CATSPERT: variants seen among roughly 807,000 people sequenced by gnomAD.
CATSPERT encodes catsper channel auxiliary subunit tau, also known as cation channel sperm-associated targeting subunit tau.
the CATSPERT span, among the ~76,000 whole-genome samples, chr2:201,594,345 T>G: frequency 2.0e-5 from 3 of 152,238 alleles, no homozygotes; most frequent in Non-Finnish European, 2.9e-5. Context: ...TGCCGAGAGA[T>G]CCACTGTTAG....
At chr2:201,591,985 C>T in the CATSPERT span, among the ~76,000 whole-genome samples, 1 of 152,122 alleles carries the variant, frequency 6.6e-6, no homozygotes, top group South Asian at 2.1e-4. Flanking sequence ...ATTTCCTTCT[C>T]CTGACTAATT....
At chr2:201,590,980 T>C in the CATSPERT span, among the ~76,000 whole-genome samples, 1 of 152,334 alleles carries the variant, frequency 6.6e-6, no homozygotes, top group South Asian at 2.1e-4. Context: ...AGAAGCTCTT[T>C]AGTTTAATTA....
the CATSPERT span, among the ~76,000 whole-genome samples, chr2:201,565,122 C>T: frequency 3.3e-5 from 5 of 151,512 alleles, no homozygotes; most frequent in African/African-American, 9.7e-5. Context: ...AAAAAAAGCA[C>T]GAGACCTACG....
chr2:201,490,425 G>T, the CATSPERT span, among the ~76,000 whole-genome samples: 3 of 152,150 alleles, frequency 2.0e-5, no homozygotes, highest in African/African-American at 7.2e-5. Flanking sequence ...AAAAGAAAAT[G>T]TCGGCTATGT....
At chr2:201,534,961 G>A in the CATSPERT span, 4 of 395,734 alleles carry the variant, frequency 1.0e-5, no homozygotes, top group Non-Finnish European at 1.4e-5. Context: ...ATTCATAAAA[G>A]ATATATGTAC....
the CATSPERT span, among the ~76,000 whole-genome samples, chr2:201,580,811 C>G: frequency 6.6e-6 from 1 of 152,142 alleles, no homozygotes; most frequent in Non-Finnish European, 1.5e-5. Flanking sequence ...GAAAAGGACT[C>G]CTAGAAAGGA....
At chr2:201,545,928 T>C in the CATSPERT span, among the ~76,000 whole-genome samples, 6 of 152,072 alleles carry the variant, frequency 3.9e-5, no homozygotes, top group Non-Finnish European at 7.4e-5. Context: ...AATTACATAA[T>C]ATTGTAACTT....
the CATSPERT span, among the ~76,000 whole-genome samples, chr2:201,563,554 C>T: frequency 6.6e-6 from 1 of 152,176 alleles, no homozygotes; most frequent in Non-Finnish European, 1.5e-5. Flanking sequence ...CAGAGGCACC[C>T]CTCACCTCCT....
chr2:201,515,572 C>G, the CATSPERT span, among the ~76,000 whole-genome samples: 1 of 151,970 alleles, frequency 6.6e-6, no homozygotes, highest in African/African-American at 2.4e-5. Context: ...TTTGACTTGC[C>G]AACCAACAGG....
At chr2:201,584,851 A>G in the CATSPERT span, among the ~76,000 whole-genome samples, 6 of 152,160 alleles carry the variant, frequency 3.9e-5, no homozygotes, top group African/African-American at 1.4e-4. Flanking sequence ...AACATCATCA[A>G]TCCAGGTTAA....
At chr2:201,553,598 A>C in the CATSPERT span, 1 of 152,206 alleles carries the variant, frequency 6.6e-6, no homozygotes, top group Non-Finnish European at 1.5e-5. Flanking sequence ...ATTTCTGTAC[A>C]TTTCTGTCTA....
the CATSPERT span, among the ~76,000 whole-genome samples, chr2:201,608,565 C>T: frequency 1.3e-5 from 2 of 151,946 alleles, no homozygotes; most frequent in African/African-American, 4.8e-5. Context: ...GCCTATAATC[C>T]CAGCACTTTG....
the CATSPERT span, chr2:201,487,561 A>G: frequency 6.6e-7 from 1 of 1,507,934 alleles, no homozygotes; most frequent in East Asian, 2.3e-5. Context: ...GGCCTCACAT[A>G]TCATTCTGAG....
At chr2:201,488,290 C>T in the CATSPERT span, among the ~76,000 whole-genome samples, 1 of 152,272 alleles carries the variant, frequency 6.6e-6, no homozygotes, top group South Asian at 2.1e-4. Context: ...AATTTCTCTC[C>T]AACAAAATCT....
chr2:201,503,732 T>C, the CATSPERT span, among the ~76,000 whole-genome samples: 1 of 151,644 alleles, frequency 6.6e-6, no homozygotes, highest in Non-Finnish European at 1.5e-5. Context: ...ATGTTAGGAA[T>C]TGTGGATTTT....
At chr2:201,602,743 T>C in the CATSPERT span, among the ~76,000 whole-genome samples, 1 of 152,072 alleles carries the variant, frequency 6.6e-6, no homozygotes, top group Non-Finnish European at 1.5e-5. Flanking sequence ...CATTAACCAA[T>C]AAAATGTAAT....
chr2:201,577,649 C>T, the CATSPERT span, among the ~76,000 whole-genome samples: 1 of 152,128 alleles, frequency 6.6e-6, no homozygotes, highest in African/African-American at 2.4e-5. Context: ...AAGACAAACA[C>T]TGTATGATCT....
the CATSPERT span, among the ~76,000 whole-genome samples, chr2:201,567,382 G>A: frequency 3.3e-5 from 5 of 152,280 alleles, no homozygotes; most frequent in Non-Finnish European, 7.4e-5. Flanking sequence ...CCAATAGGAT[G>A]TATATATACA....
At chr2:201,515,281 C>T in the CATSPERT span, among the ~76,000 whole-genome samples, 64 of 117,402 alleles carry the variant, frequency 5.5e-4, no homozygotes, top group African/African-American at 1.9e-3. Context: ...GTTGCCCAGG[C>T]TGGAGCACAG....
Sources: gnomAD v4.1 joint callset for allele counts (sites outside exome capture counted in the v4.1 genomes callset) on GRCh38, gnomAD v4.1.1 for gene constraint, MANE v1.5 for transcripts, NCBI Gene and HGNC (gene_info 2026-07-23, HGNC 2026-07-21) for gene names.